JAG1: variants seen among roughly 807,000 people sequenced by gnomAD.
The protein encoded by JAG1 is protein jagged-1.
In JAG1, 23 loss-of-function variants were observed where a neutral mutation model predicts 148.7. The observed-to-expected ratio is 0.15, with a 90% confidence interval of 0.11 to 0.22. The LOEUF is 0.22. JAG1 is among the 10% of genes least tolerant of loss of function. The pLI, the probability that JAG1 is intolerant of heterozygous loss-of-function variation, is 1.00. For synonymous variants in JAG1, 572 were observed against 598.3 expected (o/e 0.96, Z 0.64); for missense variants, 1,054 against 1,611.2 (o/e 0.65, Z 5.92).
chr20:10,652,464 A>G lies in JAG1; in HGVS notation c.886+4T>C. The G allele has an allele frequency of 6.2e-7, 1 of 1,613,064 alleles. No homozygotes were observed. The highest frequency in any genetic ancestry group is 8.5e-7 in the Non-Finnish European group (1 of 1,179,486). On this transcript the variant is annotated splice_donor_region_variant and intron_variant, in intron 6 of 25. Transcript: ENST00000254958. ...ACCCTGGGTCTCATCCCTAAGGGCCATACCTTTGTCACAGAGCTGGCCGCC... is the reference window on the plus strand; with the variant it reads ...ACCCTGGGTCTCATCCCTAAGGGCCGTACCTTTGTCACAGAGCTGGCCGCC...
At chr20:10,654,279 A>C (rs972564689) in intron 5 of JAG1, among the ~76,000 whole-genome samples, 1 of 152,186 alleles carries the variant, frequency 6.6e-6, no homozygotes, top group African/African-American at 2.4e-5. Flanking sequence ...AAAAGCAACC[A>C]CAAGAGGCCA....
chr20:10,668,331 T>C (rs2067471128), intron 2 of JAG1, among the ~76,000 whole-genome samples: 1 of 152,038 alleles, frequency 6.6e-6, no homozygotes. Flanking sequence ...TTGAGAGATA[T>C]ATATATATTT....
intron 14 of JAG1, 146 bp from the exon 15 acceptor site, chr20:10,646,230 TAGAC>T (rs1328976214): frequency 1.6e-5 from 11 of 685,884 alleles, no homozygotes; most frequent in South Asian, 6.1e-5. Flanking sequence ...TTTCTCAAAT[TAGAC>T]AGGCGGCTTA....
In JAG1 at chr20:10,658,640, C is replaced by T. The variant is rs751230029; in HGVS notation, c.522G>A (p.Thr174=). 2.0e-5 allele frequency: 32 copies of T among 1,614,110 alleles called. No homozygotes were observed. Among genetic ancestry groups the T allele is most frequent in the South Asian group, 6.6e-5 (6 of 91,084 alleles). The change falls in exon 4 of 26, where the codon ACG becomes ACA. Residue 174 remains threonine (T), a synonymous_variant. Coordinates refer to ENST00000254958, the MANE Select transcript of JAG1 (RefSeq NM_000214.3). ...TCTGATACTCAAAGTGGGCAACGCCCGTGTTCTGCTTCAGCGTCTGCCACT... is the reference window on the plus strand; with the variant it reads ...TCTGATACTCAAAGTGGGCAACGCCTGTGTTCTGCTTCAGCGTCTGCCACT... ...SRQWQTLKQN[T]GVAHFEYQIR...
At chr20:10,668,107 A>C (rs964745637) in intron 2 of JAG1, among the ~76,000 whole-genome samples, 11 of 144,864 alleles carry the variant, frequency 7.6e-5, no homozygotes, top group Non-Finnish European at 9.1e-5. Flanking sequence ...AAAAAAAAAA[A>C]AAAAAAAAAC....
intron 2 of JAG1, among the ~76,000 whole-genome samples, chr20:10,669,537 T>C (rs1175410520): frequency 1.1e-5 from 1 of 91,482 alleles, no homozygotes; most frequent in Non-Finnish European, 2.1e-5. Context: ...TCACGTTTCA[T>C]TGGATTTTCC....
Position 10,649,109 on chromosome 20 carries a change from T to TA in JAG1, c.1349-3dup, listed in dbSNP as rs767319365. The TA allele has an allele frequency of 2.8e-5, 45 of 1,595,588 alleles. No homozygotes were observed. The African/African-American group carries it at 5.4e-4, about 19-fold the overall frequency. The stretch of plus-strand genomic sequence containing the variant: ...ACTGGCCAAGGCAGTCATTAATATC[T>TA]AAAAAATAAATAAGTCATCATTTTA... On this transcript the variant is annotated splice_polypyrimidine_tract_variant and splice_region_variant and intron_variant, in intron 10 of 25. Coordinates refer to ENST00000254958, the MANE Select transcript of JAG1 (RefSeq NM_000214.3).
rs761987251 is a variant in JAG1, at chr20:10,656,383, G to A, written c.755+15C>T. On this transcript the variant is annotated intron_variant, in intron 5 of 25. Coordinates refer to ENST00000254958, the MANE Select transcript of JAG1 (RefSeq NM_000214.3). The stretch of plus-strand genomic sequence containing the variant: ...GAAAATTAAAAGAAATCTCACAAAA[G>A]ACCAGTTGATTTACCTGCAGTCACC... The A allele has an allele frequency of 5.0e-6, 8 of 1,602,526 alleles. No individual in the cohort carries two copies. The highest frequency in any genetic ancestry group is 6.8e-6 in the Non-Finnish European group (8 of 1,169,534).
At chr20:10,652,012 G>T (rs183791902) in intron 7 of JAG1, 119 bp downstream of exon 7, 1 of 1,162,072 alleles carries the variant, frequency 8.6e-7, no homozygotes, top group South Asian at 1.2e-5. Context: ...TTGGGATAAG[G>T]CCTATCTTTG....
rs1463661553 is a variant in JAG1 at position 10,638,071 on chromosome 20, A to G, written c.*1427T>C. ...TGCATTTGTATGTTCATATAACACT[A>G]ATAGGACAATACAAAGTATCTTCAC... On this transcript the variant is annotated 3_prime_UTR_variant, in exon 26 of 26. Transcript: ENST00000254958. 3 of 152,668 alleles carry G rather than the reference A, an allele frequency of 2.0e-5. No homozygotes were observed. Among genetic ancestry groups the G allele is most frequent in the Non-Finnish European group, 2.9e-5 (2 of 68,040 alleles). The allele number at this position is 152,668 out of a possible 1,614,324, so 9.5% of individuals were successfully genotyped here. A position where few individuals can be genotyped will look rare whatever the true frequency, so the allele number is the denominator to read the frequency against.
intron 5 of JAG1, among the ~76,000 whole-genome samples, chr20:10,656,005 T>C (rs1054496811): frequency 5.3e-5 from 8 of 152,170 alleles, no homozygotes; most frequent in African/African-American, 1.9e-4. Flanking sequence ...CTTTCGCCTA[T>C]TGATGGGAAA....
chr20:10,641,879 A>G lies in JAG1; in HGVS notation c.2586T>C (p.Pro862=). The G allele has an allele frequency of 1.2e-6, 2 of 1,611,922 alleles. No individual in the cohort carries two copies. Among genetic ancestry groups the G allele is most frequent in the Non-Finnish European group, 1.7e-6 (2 of 1,177,974 alleles). Residue 862 remains proline, a synonymous_variant, in exon 22 of 26, where the codon CCT becomes CCC. Transcript: ENST00000254958. ...GTATCACACTCCCCATGGTGATGCAAGGTCTCCCTGAAACTGACAGGTGGA... is the reference window on the plus strand; with the variant it reads ...GTATCACACTCCCCATGGTGATGCAGGGTCTCCCTGAAACTGACAGGTGGA... The part of the protein sequence containing the change: ...GAKCQEVSGR[P]CITMGSVIPD...
Position 10,652,133 on chromosome 20 carries a change from A to G in JAG1, c.1004T>C (p.Ile335Thr), listed in dbSNP as rs2067351065. The G allele has an allele frequency of 6.2e-7, 1 of 1,614,048 alleles. No individual in the cohort carries two copies. Among genetic ancestry groups the G allele is most frequent in the South Asian group, 1.1e-5 (1 of 91,086 alleles). Residue 335 changes from isoleucine (I) to threonine (T), a missense_variant and splice_region_variant, in exon 7 of 26, where the codon ATT (isoleucine) becomes ACT (threonine). Coordinates refer to ENST00000254958, the MANE Select transcript of JAG1 (RefSeq NM_000214.3). ...CTCATTCATCTTGGACCACTTACCA[A>G]TTTCACAGTTGGGTCCTGAATACCC... The part of the protein sequence containing the change: ...PEGYSGPNCE[I>T]AEHACLSDPC...
At chr20:10,641,741 A>AT in intron 22 of JAG1, 42 bp downstream of exon 22, 1 of 1,610,002 alleles carries the variant, frequency 6.2e-7, no homozygotes, top group South Asian at 1.1e-5. Context: ...CTCATCCCTG[A>AT]TTCCAGAACA....
chr20:10,647,833 A>G, intron 13 of JAG1, 127 bp downstream of exon 13: 1 of 1,038,878 alleles, frequency 9.6e-7, no homozygotes, highest in Admixed American at 2.0e-5. Context: ...CACAGGCAGG[A>G]TCATTTCACT....
At position 10,647,049 on chromosome 20, in the gene JAG1, C is replaced by A; in HGVS notation, c.1775G>T (p.Arg592Leu). Residue 592 changes from arginine to leucine, a missense_variant, in exon 14 of 26, where the codon CGG (arginine) becomes CTG (leucine). By Grantham distance (102) the Arg-to-Leu change is moderately radical (BLOSUM62 -2). Around this residue, in one of 6 missense-constraint regions of JAG1, gnomAD observed 245 missense variants for 373.1 expected, o/e 0.66. Transcript: ENST00000254958. The stretch of plus-strand genomic sequence containing the variant: ...ACCACAGACGTTGGAGGAAATATAC[C>A]GCACCCCTTCAGGTGTGTCGTTGGA... Reference protein sequence around the residue: ...MASNDTPEGVRYISSNVCGPH... With the variant: ...MASNDTPEGVLYISSNVCGPH... The A allele has an allele frequency of 6.2e-7, 1 of 1,614,152 alleles. No homozygotes were observed. Among genetic ancestry groups the A allele is most frequent in the Non-Finnish European group, 8.5e-7 (1 of 1,180,018 alleles).
intron 18 of JAG1, 33 bp from the exon 19 acceptor site, chr20:10,644,417 T>G: frequency 1.9e-6 from 3 of 1,591,848 alleles, no homozygotes; most frequent in Non-Finnish European, 2.6e-6. Flanking sequence ...TAGTGAGGAC[T>G]TCAACAGGGA....
intron 11 of JAG1, 108 bp downstream of exon 11, chr20:10,648,953 T>A: frequency 9.6e-7 from 1 of 1,047,068 alleles, no homozygotes; most frequent in South Asian, 1.3e-5. Context: ...GACTCTTTTT[T>A]CACCCAAATT....
rs56122797 is a variant in JAG1, at chr20:10,669,547, C to CAAAAAAAAAAAAAAAAAA, written c.387+3136_387+3153dup. Among the ~76,000 whole-genome samples the CAAAAAAAAAAAAAAAAAA allele has an allele frequency of 8.1e-4, 36 of 44,198 alleles. 12 individuals are homozygous for CAAAAAAAAAAAAAAAAAA. The highest frequency in any genetic ancestry group is 9.4e-4 in the Non-Finnish European group (21 of 22,450). The allele number at this position is 44,198 out of a possible 152,430, so 29.0% of individuals were successfully genotyped here. A position where few individuals can be genotyped will look rare whatever the true frequency, so the allele number is the denominator to read the frequency against. ...AAGAATCACGTTTCATTGGATTTTCCAAAAAAAAAAAAAAAAAAAAAAAAA... is the reference window on the plus strand; with the variant it reads ...AAGAATCACGTTTCATTGGATTTTCCAAAAAAAAAAAAAAAAAAAAAAAAAAAAAAAAAAAAAAAAAAA... On this transcript the variant is annotated intron_variant, in intron 2 of 25. Coordinates refer to ENST00000254958, the MANE Select transcript of JAG1 (RefSeq NM_000214.3).
Sources: gnomAD v4.1 joint callset for allele counts (sites outside exome capture counted in the v4.1 genomes callset) on GRCh38, gnomAD v4.1.1 for gene constraint, gnomAD v4.1.1 regional missense constraint, MANE v1.5 for transcripts, NCBI Gene and HGNC (gene_info 2026-07-23, HGNC 2026-07-21) for gene names.